The following JAG2 variants were observed in gnomAD, a reference collection of about 807,000 sequenced individuals.
The protein encoded by JAG2 is protein jagged-2.
In JAG2, 46 loss-of-function variants were observed where a neutral mutation model predicts 141.7. The observed-to-expected ratio is 0.32, with a 90% confidence interval of 0.26 to 0.42. JAG2 has a LOEUF of 0.42. Ranked by LOEUF, JAG2 falls within the 10% of genes least tolerant of loss-of-function variation. The pLI is 1.00. For synonymous variants in JAG2, 862 were observed against 763.5 expected (o/e 1.13, Z -2.13); for missense variants, 1,500 against 1,817.5 (o/e 0.83, Z 3.18).
At position 105,154,706 on chromosome 14, in the gene JAG2, C is replaced by A. The variant is rs1488157851; in HGVS notation, c.788+856G>T. ...GTCACCGCCTGAATGCCACCCCCCA[C>A]AGGCCCCGCGTGGCGCAGGCCAGGC... On this transcript the variant is annotated intron_variant, in intron 5 of 25. Transcript: ENST00000331782. This position sits in a 1 kb window ranked among gnomAD's most constrained non-coding sequence, Gnocchi z 4.4. 6.6e-6 allele frequency among the ~76,000 whole-genome samples: 1 copy of A among 152,104 alleles called. No individual in the cohort carries two copies. The highest frequency in any genetic ancestry group is 1.5e-5 in the Non-Finnish European group (1 of 68,014).
At position 105,147,866 on chromosome 14, in the gene JAG2, G is replaced by A; in HGVS notation, c.2271C>T (p.Pro757=). The A allele has an allele frequency of 6.4e-7, 1 of 1,553,062 alleles. No homozygotes were observed. The highest frequency in any genetic ancestry group is 8.7e-7 in the Non-Finnish European group (1 of 1,149,864). Residue 757 remains proline (P), a synonymous_variant, in exon 18 of 26, where the codon CCC becomes CCT. Transcript: ENST00000331782. ...CAVAKNSSCL[P]NPCVNGGTCV... ...AGGTGCCACCATTCACACAGGGGTT[G>A]GGCAGGCAGCTGCTGTTCTTGGCTG...
chr14:105,163,646 T>G (rs1280560812), intron 2 of JAG2, among the ~76,000 whole-genome samples: 1 of 149,536 alleles, frequency 6.7e-6, no homozygotes, highest in Non-Finnish European at 1.5e-5. Context: ...GGGACTCCGC[T>G]CAGGCCTGTG....
Position 105,148,830 on chromosome 14 carries a change from G to C in JAG2, c.1935C>G (p.Cys645Trp). 1 of 1,595,940 alleles carries C rather than the reference G, an allele frequency of 6.3e-7. No individual in the cohort carries two copies. The highest frequency in any genetic ancestry group is 8.5e-7 in the Non-Finnish European group (1 of 1,171,966). The change falls in exon 15 of 26, where the codon TGC (cysteine) becomes TGG (tryptophan). Residue 645 changes from cysteine to tryptophan, a missense_variant. By Grantham distance (215) the Cys-to-Trp change is radical. Coordinates refer to ENST00000331782, the MANE Select transcript of JAG2 (RefSeq NM_002226.5). The part of the protein sequence containing the change: ...ENIDDCLGQP[C>W]RNGGTCIDEV... Reference sequence around the variant, plus strand: ...CATCGATGCATGTGCCCCCATTGCGGCAGGGCTGGCCCAGGCAGTCGTCAA... The same window carrying C: ...CATCGATGCATGTGCCCCCATTGCGCCAGGGCTGGCCCAGGCAGTCGTCAA...
At position 105,149,158 on chromosome 14, in the gene JAG2, C is replaced by T. The variant is rs374294516; in HGVS notation, c.1753+12G>A. On this transcript the variant is annotated intron_variant, in intron 13 of 25. Transcript: ENST00000331782. The stretch of plus-strand genomic sequence containing the variant: ...CACCACCTCCCCCACCACCCCATGC[C>T]GCACCCAGCACCTCTGCAGGCCCCG... 2.2e-5 allele frequency: 36 copies of T among 1,607,028 alleles called. No individual in the cohort carries two copies. The highest frequency in any genetic ancestry group is 1.9e-4 in the African/African-American group (14 of 74,628).
Position 105,143,524 on chromosome 14 carries a change from C to T in JAG2, c.3199G>A (p.Glu1067Lys), listed in dbSNP as rs778525933. The T allele has an allele frequency of 3.9e-5, 62 of 1,581,870 alleles. No homozygotes were observed. The highest frequency in any genetic ancestry group is 6.8e-5 in the East Asian group (3 of 43,922). ...GTAACAACCGTCTCCACCTTGACCT[C>T]GGTGACAGCCAGGAGCAGTGAGCTG... is the stretch of plus-strand genomic sequence containing the variant. ...GNSSLLLAVT[E>K]VKVETVVTGG... is the part of the protein sequence containing the mutation. Residue 1067 changes from glutamate to lysine, a missense_variant, in exon 25 of 26, where the codon GAG becomes AAG. Glu to Lys is a moderately conservative substitution (Grantham distance 56, BLOSUM62 1). Coordinates refer to ENST00000331782, the MANE Select transcript of JAG2 (RefSeq NM_002226.5).
intron 24 of JAG2, among the ~76,000 whole-genome samples, chr14:105,144,344 C>A (rs2140969902): frequency 6.6e-6 from 1 of 152,280 alleles, no homozygotes; most frequent in Admixed American, 6.5e-5. Flanking sequence ...CCAGCAGCAC[C>A]CATCCATGTC....
Position 105,142,588 on chromosome 14 carries a change from T to C in JAG2, c.*107A>G, listed in dbSNP as rs1245087404. 3.6e-6 allele frequency: 3 copies of C among 828,430 alleles called. No homozygotes were observed. The allele number at this position is 828,430 out of a possible 1,614,324, so 51.3% of individuals were successfully genotyped here. On this transcript the variant is annotated 3_prime_UTR_variant, in exon 26 of 26. Transcript: ENST00000331782. The stretch of plus-strand genomic sequence containing the variant: ...ATTTGGTTTTTGTTTTTGGTGGTTT[T>C]TTTACACAAAATAAAGAAACTATGC...
intron 12 of JAG2, 108 bp downstream of exon 12, chr14:105,150,496 C>G (rs1392538101): frequency 5.0e-6 from 6 of 1,204,922 alleles, no homozygotes; most frequent in Non-Finnish European, 6.8e-6. Context: ...TTGGGGACAA[C>G]TTCCCCTGCA....
chr14:105,145,440 A>G (rs994701256), intron 23 of JAG2, among the ~76,000 whole-genome samples: 1 of 152,208 alleles, frequency 6.6e-6, no homozygotes, highest in African/African-American at 2.4e-5. Flanking sequence ...ACGGAGCTAC[A>G]GCCCAAGAGC....
intron 15 of JAG2, 101 bp downstream of exon 15, chr14:105,148,644 G>C (rs1435558056): frequency 8.8e-7 from 1 of 1,138,422 alleles, no homozygotes; most frequent in African/African-American, 1.5e-5. Context: ...GCCTTTCTGG[G>C]TACGGGGCCT....
chr14:105,147,759 CT>C lies in JAG2; in HGVS notation c.2365+12del, dbSNP rs745711568. On this transcript the variant is annotated intron_variant, in intron 18 of 25. Coordinates refer to ENST00000331782, the MANE Select transcript of JAG2 (RefSeq NM_002226.5). ...AGGAAAGCGGCCCCCGCCCACACCC[CT>C]CCCACACTCACTGTGAGTGCAAGTA... 7.9e-6 allele frequency: 12 copies of C among 1,525,230 alleles called. No individual in the cohort carries two copies. Among genetic ancestry groups the C allele is most frequent in the Admixed American group, 2.0e-5 (1 of 51,016 alleles). The allele number at this position is 1,525,230 out of a possible 1,614,324, so 94.5% of individuals were successfully genotyped here.
At position 105,167,705 on chromosome 14, in the gene JAG2, G is replaced by C; in HGVS notation, c.417+52C>G. 1 of 1,379,952 alleles carries C rather than the reference G, an allele frequency of 7.2e-7. No homozygotes were observed. The highest frequency in any genetic ancestry group is 1.6e-5 in the South Asian group (1 of 63,522). 85.5% of individuals were successfully genotyped at this position (1,379,952 alleles called of 1,614,324 possible). A position where few individuals can be genotyped will look rare whatever the true frequency, so the allele number is the denominator to read the frequency against. ...GGGGGTCGCGAAGCGCGCGGGGCCG[G>C]GGCGCGGAGAGAGAGGGAAGGGCTG... On this transcript the variant is annotated intron_variant, in intron 2 of 25. Transcript: ENST00000331782. The surrounding 1 kb of genome is among the most constrained non-coding windows in gnomAD (Gnocchi z 4.8).
Position 105,167,877 on chromosome 14 carries a change from G to T in JAG2, c.297C>A (p.Gly99=). 1 of 1,571,062 alleles carries T rather than the reference G, an allele frequency of 6.4e-7. No individual in the cohort carries two copies. ...SYGHGATPVL[G]GNSFYLPPAG... ...CCGGCGGCAGGTAGAAGGAGTTGCC[G>T]CCCAGCACGGGCGTGGCGCCGTGGC... is the stretch of plus-strand genomic sequence containing the variant. Residue 99 remains glycine (G), a synonymous_variant, in exon 2 of 26, where the codon GGC becomes GGA. Transcript: ENST00000331782. The surrounding 1 kb of genome is among the most constrained non-coding windows in gnomAD (Gnocchi z 4.8).
Position 105,143,005 on chromosome 14 carries a change from T to C in JAG2, c.3407A>G (p.Asn1136Ser), listed in dbSNP as rs1387501640. 1 of 1,607,256 alleles carries C rather than the reference T, an allele frequency of 6.2e-7. No individual in the cohort carries two copies. The highest frequency in any genetic ancestry group is 2.2e-5 in the East Asian group (1 of 44,860). Residue 1136 changes from asparagine to serine, a missense_variant, in exon 26 of 26, where the codon AAC (asparagine) becomes AGC (serine). Asn to Ser is a conservative substitution (Grantham distance 46). Around this residue, in one of 3 missense-constraint regions of JAG2, gnomAD observed 425 missense variants for 441.0 expected, o/e 0.96. Coordinates refer to ENST00000331782, the MANE Select transcript of JAG2 (RefSeq NM_002226.5). ...GTGGCCCCCCGGCCGCTCAATGGGG[T>C]TGCGGATGGGGTTGAGCGGGGCCCA... ...NQWAPLNPIR[N>S]PIERPGGHKD...
chr14:105,148,582 GCATGGGGGCAGCCTGGGACTCCACCC>G, intron 15 of JAG2, 137 bp downstream of exon 15: 1 of 869,856 alleles, frequency 1.1e-6, no homozygotes, highest in Non-Finnish European at 1.8e-6. Context: ...CTGGCCTCGG[GCATGGGGGCAGCCTGGGACTCCACCC>G]CATGGTGGCA....
chr14:105,159,173 A>C (rs1255113672), intron 2 of JAG2, among the ~76,000 whole-genome samples: 1 of 147,700 alleles, frequency 6.8e-6, no homozygotes, highest in African/African-American at 2.5e-5. Context: ...AAATACAGAC[A>C]ACTAGGGCCC....
At chr14:105,155,409 T>C (rs778589318) in intron 5 of JAG2, among the ~76,000 whole-genome samples, 153 bp downstream of exon 5, 26 of 152,146 alleles carry the variant, frequency 1.7e-4, no homozygotes, top group East Asian at 7.7e-4. Flanking sequence ...CCTACTGCAC[T>C]AAGGAGCCTC....
chr14:105,151,150 G>GC, intron 9 of JAG2, 46 bp from the exon 10 acceptor site: 2 of 1,556,144 alleles, frequency 1.3e-6, no homozygotes, highest in Non-Finnish European at 1.7e-6. Flanking sequence ...GGCCCTGCCT[G>GC]CCCCCTGCAG....
In JAG2 at chr14:105,154,398, C is replaced by T. The variant is rs587700189; in HGVS notation, c.788+1164G>A. 2.0e-5 allele frequency among the ~76,000 whole-genome samples: 3 copies of T among 152,254 alleles called. No homozygotes were observed. Among genetic ancestry groups the T allele is most frequent in the South Asian group, 4.1e-4 (2 of 4,820 alleles). ...CCCCAGCTTGCTCACGCACAGTGAG[C>T]GCCACGGCTCGAAGCCCGTGCCCAC... On this transcript the variant is annotated intron_variant, in intron 5 of 25. Transcript: ENST00000331782. This position sits in a 1 kb window ranked among gnomAD's most constrained non-coding sequence, Gnocchi z 4.4.
Sources: gnomAD v4.1 joint callset for allele counts (sites outside exome capture counted in the v4.1 genomes callset) on GRCh38, gnomAD v4.1.1 for gene constraint, gnomAD v4.1.1 regional missense constraint, Gnocchi (gnomAD v3.1) non-coding constraint, MANE v1.5 for transcripts, NCBI Gene and HGNC (gene_info 2026-07-23, HGNC 2026-07-21) for gene names.